SH3RF3: variants seen among roughly 807,000 people sequenced by gnomAD.
SH3RF3 encodes the protein E3 ubiquitin-protein ligase SH3RF3.
Under a neutral mutation model 66.3 loss-of-function variants are expected in SH3RF3, and 29 were observed. The ratio of observed to expected loss-of-function variants is 0.44; its 90% CI spans 0.33 to 0.60. SH3RF3 has a LOEUF of 0.60. Among genes scored for constraint, SH3RF3 ranks in the 20% least tolerant of loss-of-function variants. The pLI is 0.04. For missense variants in SH3RF3, 1,194 were observed against 1,190.9 expected (o/e 1.00, Z -0.04); for synonymous variants, 583 against 532.0 (o/e 1.10, Z -1.32).
At chr2:109,397,634 C>T (rs768337892) in intron 3 of SH3RF3, among the ~76,000 whole-genome samples, 15 of 152,172 alleles carry the variant, frequency 9.9e-5, no homozygotes, top group South Asian at 4.1e-4. Context: ...CTAACTGAGG[C>T]CCTGAGGACC....
At chr2:109,415,261 T>G (rs1676692068) in intron 4 of SH3RF3, among the ~76,000 whole-genome samples, 1 of 152,202 alleles carries the variant, frequency 6.6e-6, no homozygotes, top group South Asian at 2.1e-4. Context: ...TCTGTGGCTG[T>G]TTGTTTCAGC....
At chr2:109,467,252 T>G (rs1678377784) in intron 8 of SH3RF3, among the ~76,000 whole-genome samples, 1 of 152,206 alleles carries the variant, frequency 6.6e-6, no homozygotes, top group African/African-American at 2.4e-5. Context: ...AATCAGCTGA[T>G]GAATGCATGC....
chr2:109,382,888 C>T (rs1340215788), intron 3 of SH3RF3, among the ~76,000 whole-genome samples: 20 of 152,244 alleles, frequency 1.3e-4, no homozygotes, highest in Admixed American at 1.3e-3. Context: ...TGCAGCTTCT[C>T]CTCCCACCAT....
At chr2:109,149,607 CAGCTG>C (rs1181674034) in intron 1 of SH3RF3, among the ~76,000 whole-genome samples, 1 of 152,184 alleles carries the variant, frequency 6.6e-6, no homozygotes, top group African/African-American at 2.4e-5. Flanking sequence ...AGCAGGAGGA[CAGCTG>C]AGCATCTCCC....
At chr2:109,277,686 C>T (rs1365963902) in intron 1 of SH3RF3, among the ~76,000 whole-genome samples, 14 of 152,192 alleles carry the variant, frequency 9.2e-5, no homozygotes, top group Non-Finnish European at 1.5e-5. Flanking sequence ...GGGTGCCTCC[C>T]ATTCATGAGG....
At chr2:109,403,117 C>T (rs140295042) in intron 4 of SH3RF3, among the ~76,000 whole-genome samples, 2 of 152,288 alleles carry the variant, frequency 1.3e-5, no homozygotes, top group African/African-American at 2.4e-5. Flanking sequence ...AGGAAGCGTG[C>T]GTCTGTGGTT....
At position 109,503,149 on chromosome 2, in the gene SH3RF3, T is replaced by G. The variant is rs942504528; in HGVS notation, c.*1478T>G. The G allele has an allele frequency of 2.0e-5, 3 of 152,196 alleles. No homozygotes were observed. The highest frequency in any genetic ancestry group is 7.2e-5 in the African/African-American group (3 of 41,448). The allele number at this position is 152,196 out of a possible 1,614,324, so 9.4% of individuals were successfully genotyped here. ...TTCAGGGACAATTTTGTTCTCAAGA[T>G]TCACACCTTAGGAACACATTTTTAT... On this transcript the variant is annotated 3_prime_UTR_variant, in exon 10 of 10. Coordinates refer to ENST00000309415, the MANE Select transcript of SH3RF3 (RefSeq NM_001099289.3).
At chr2:109,496,097 C>A (rs36146996) in intron 9 of SH3RF3, among the ~76,000 whole-genome samples, 1 of 152,106 alleles carries the variant, frequency 6.6e-6, no homozygotes. Flanking sequence ...TATTTGTCCC[C>A]TCCCATGTTC....
intron 1 of SH3RF3, among the ~76,000 whole-genome samples, chr2:109,210,589 G>C (rs955035019): frequency 3.3e-5 from 5 of 152,196 alleles, no homozygotes; most frequent in African/African-American, 1.2e-4. Flanking sequence ...GGCTCTGCAG[G>C]TGTGGATTGT....
At chr2:109,267,127 A>G (rs1680515108) in intron 1 of SH3RF3, among the ~76,000 whole-genome samples, 1 of 152,174 alleles carries the variant, frequency 6.6e-6, no homozygotes, top group African/African-American at 2.4e-5. Flanking sequence ...GTAATCAGCC[A>G]GGGAGGTGGT....
intron 5 of SH3RF3, among the ~76,000 whole-genome samples, chr2:109,420,014 G>A (rs543609513): frequency 6.6e-6 from 1 of 152,300 alleles, no homozygotes; most frequent in African/African-American, 2.4e-5. Flanking sequence ...GGTAGTCTAG[G>A]AGCTTGGGTA....
chr2:109,304,781 G>A (rs1344333084), intron 1 of SH3RF3, among the ~76,000 whole-genome samples: 4 of 152,190 alleles, frequency 2.6e-5, no homozygotes, highest in Non-Finnish European at 4.4e-5. Context: ...GCAGGGACCC[G>A]GCTCAGCCCT....
At chr2:109,356,115 A>G (rs546552714) in intron 2 of SH3RF3, among the ~76,000 whole-genome samples, 10 of 152,280 alleles carry the variant, frequency 6.6e-5, no homozygotes, top group Middle Eastern at 6.8e-3. Flanking sequence ...TTTGGGTTAG[A>G]GGCAGAGCTG....
chr2:109,180,944 T>C (rs1678058712), intron 1 of SH3RF3, among the ~76,000 whole-genome samples: 1 of 152,214 alleles, frequency 6.6e-6, no homozygotes, highest in Non-Finnish European at 1.5e-5. Flanking sequence ...AGCAGATTTC[T>C]CCATGCAATA....
At chr2:109,462,095 G>T (rs1678220632) in intron 8 of SH3RF3, among the ~76,000 whole-genome samples, 1 of 151,224 alleles carries the variant, frequency 6.6e-6, no homozygotes, top group African/African-American at 2.4e-5. Flanking sequence ...CCTCTGACAT[G>T]CAGGTGTCTT....
chr2:109,326,137 T>A (rs1682149757), intron 1 of SH3RF3, among the ~76,000 whole-genome samples: 1 of 152,234 alleles, frequency 6.6e-6, no homozygotes, highest in Admixed American at 6.5e-5. Flanking sequence ...CTACATTGTT[T>A]ATTTGATTTT....
At chr2:109,156,263 C>A (rs1677342528) in intron 1 of SH3RF3, among the ~76,000 whole-genome samples, 3 of 152,348 alleles carry the variant, frequency 2.0e-5, no homozygotes, top group African/African-American at 7.2e-5. Flanking sequence ...CACAGTCCAA[C>A]CACCAGAGAT....
At position 109,501,782 on chromosome 2, in the gene SH3RF3, C is replaced by A. The variant is rs1326700246; in HGVS notation, c.*111C>A. 7 of 632,826 alleles carry A rather than the reference C, an allele frequency of 1.1e-5. No homozygotes were observed. The highest frequency in any genetic ancestry group is 2.0e-5 in the Non-Finnish European group (7 of 350,334). 39.2% of individuals were successfully genotyped at this position (632,826 alleles called of 1,614,324 possible). On this transcript the variant is annotated 3_prime_UTR_variant, in exon 10 of 10. Transcript: ENST00000309415. ...CAAGGGTTCCAGGTCATCTCCAAGG[C>A]ACCTGGCGGGGGATACCCTGGCCCA... is the stretch of plus-strand genomic sequence containing the variant.
intron 1 of SH3RF3, among the ~76,000 whole-genome samples, chr2:109,221,998 G>C (rs1339758302): frequency 2.6e-5 from 4 of 151,806 alleles, no homozygotes; most frequent in African/African-American, 9.7e-5. Flanking sequence ...AAAAAACACA[G>C]GGGATACTAT....
Sources: gnomAD v4.1 joint callset for allele counts (sites outside exome capture counted in the v4.1 genomes callset) on GRCh38, gnomAD v4.1.1 for gene constraint, MANE v1.5 for transcripts, NCBI Gene and HGNC (gene_info 2026-07-23, HGNC 2026-07-21) for gene names.